MAP2K4: variants seen among roughly 807,000 people sequenced by gnomAD.
The protein encoded by MAP2K4 is mitogen-activated protein kinase kinase 4, also known as dual specificity mitogen-activated protein kinase kinase 4.
In MAP2K4, 4 loss-of-function variants were observed where a neutral mutation model predicts 48.5. That is an observed-to-expected ratio of 0.08 (90% confidence interval 0.04 to 0.19). The LOEUF (loss-of-function observed/expected upper bound fraction) is 0.19. MAP2K4 is among the 10% of genes least tolerant of loss of function. MAP2K4 has a pLI of 1.00. For synonymous variants in MAP2K4, 166 were observed against 173.1 expected (o/e 0.96, Z 0.32); for missense variants, 258 against 493.3 (o/e 0.52, Z 4.52).
At chr17:12,037,022 A>G (rs1162182513) in intron 1 of MAP2K4, among the ~76,000 whole-genome samples, 2 of 152,142 alleles carry the variant, frequency 1.3e-5, no homozygotes, top group African/African-American at 4.8e-5. Context: ...TGGCGTTAAA[A>G]ACTTTGTGCT....
intron 8 of MAP2K4, among the ~76,000 whole-genome samples, chr17:12,128,817 G>C (rs2151590546): frequency 6.6e-6 from 1 of 152,266 alleles, no homozygotes; most frequent in South Asian, 2.1e-4. Flanking sequence ...CAGTCTTCCA[G>C]ACTTTCTTAT....
chr17:12,061,487 C>T (rs1158403462), intron 2 of MAP2K4, among the ~76,000 whole-genome samples: 2 of 152,130 alleles, frequency 1.3e-5, no homozygotes, highest in African/African-American at 4.8e-5. Context: ...TTTGTGGGCC[C>T]CTACCCCCTT....
chr17:12,096,219 AT>A lies in MAP2K4; in HGVS notation c.513+526del, dbSNP rs1328356645. 2.0e-5 allele frequency among the ~76,000 whole-genome samples: 3 copies of A among 152,254 alleles called. No homozygotes were observed. In the East Asian group the frequency reaches 5.8e-4, roughly 29 times the overall value. ...TCAGACATGGAAATTAACAATTACA[AT>A]ATAAATTATTTTTTTCTAATTCTCT... On this transcript the variant is annotated intron_variant, in intron 4 of 10. Transcript: ENST00000353533.
At chr17:12,122,661 A>G (rs1279203453) in intron 7 of MAP2K4, among the ~76,000 whole-genome samples, 2 of 152,176 alleles carry the variant, frequency 1.3e-5, no homozygotes, top group Non-Finnish European at 2.9e-5. Context: ...TGGGTCCTCC[A>G]GTAGAATCCT....
At chr17:12,070,507 G>T (rs1970767516) in intron 2 of MAP2K4, among the ~76,000 whole-genome samples, 1 of 152,096 alleles carries the variant, frequency 6.6e-6, no homozygotes. Flanking sequence ...CAGAACTATA[G>T]GATTTGGGCA....
At chr17:12,063,420 T>G (rs2151532857) in intron 2 of MAP2K4, among the ~76,000 whole-genome samples, 1 of 152,322 alleles carries the variant, frequency 6.6e-6, no homozygotes, top group Non-Finnish European at 1.5e-5. Flanking sequence ...CATAGTGATG[T>G]AACAAACTGG....
chr17:12,129,396 A>T, intron 9 of MAP2K4, 109 bp downstream of exon 9: 1 of 1,279,206 alleles, frequency 7.8e-7, no homozygotes, highest in South Asian at 1.3e-5. Context: ...CCTTGGTCAC[A>T]TCACCCTACT....
chr17:12,063,938 C>G lies in MAP2K4; in HGVS notation c.218+8947C>G, dbSNP rs28921678. Among the ~76,000 whole-genome samples the G allele has an allele frequency of 4.6e-4, 59 of 127,902 alleles. No individual in the cohort carries two copies. In the East Asian group the frequency reaches 0.013, roughly 29 times the overall value. 83.9% of individuals were successfully genotyped at this position (127,902 alleles called of 152,430 possible). ...CGTAAGTAGAGATCATAACACTGCACTCTAGCTTGGGTGACAAGAGCAAAA... is the reference window on the plus strand; with the variant it reads ...CGTAAGTAGAGATCATAACACTGCAGTCTAGCTTGGGTGACAAGAGCAAAA... On this transcript the variant is annotated intron_variant, in intron 2 of 10. Transcript: ENST00000353533.
At chr17:12,096,654 G>A (rs554147261) in intron 4 of MAP2K4, among the ~76,000 whole-genome samples, 4 of 152,304 alleles carry the variant, frequency 2.6e-5, no homozygotes, top group Non-Finnish European at 5.9e-5. Flanking sequence ...TGGGATTATA[G>A]AGTGTATCCT....
At position 12,142,710 on chromosome 17, in the gene MAP2K4, C is replaced by T. The variant is rs1157958844; in HGVS notation, c.*1450C>T. The T allele has an allele frequency of 1.3e-5, 3 of 232,956 alleles. No homozygotes were observed. The highest frequency in any genetic ancestry group is 6.6e-5 in the African/African-American group (3 of 45,328). 14.4% of individuals were successfully genotyped at this position (232,956 alleles called of 1,614,324 possible). A position where few individuals can be genotyped will look rare whatever the true frequency, so the allele number is the denominator to read the frequency against. On this transcript the variant is annotated 3_prime_UTR_variant, in exon 11 of 11. Coordinates refer to ENST00000353533, the MANE Select transcript of MAP2K4 (RefSeq NM_003010.4). ...AAAAAATACAAAAAGCAAAACAAAA[C>T]CCTCAGCACTGTTACAAGAGGCCAT... is the stretch of plus-strand genomic sequence containing the variant.
intron 2 of MAP2K4, among the ~76,000 whole-genome samples, chr17:12,056,966 T>G (rs1375147146): frequency 6.6e-6 from 1 of 152,148 alleles, no homozygotes; most frequent in Non-Finnish European, 1.5e-5. Context: ...ATATAAAACT[T>G]GTTCATGAAT....
At chr17:12,021,109 G>A (rs1969021535) in intron 1 of MAP2K4, 108 bp downstream of exon 1, 1 of 595,346 alleles carries the variant, frequency 1.7e-6, no homozygotes, top group Non-Finnish European at 2.4e-6. Context: ...AGCCACGGCA[G>A]CCGCCGGCTT....
intron 2 of MAP2K4, among the ~76,000 whole-genome samples, chr17:12,078,780 A>G (rs545774428): frequency 6.6e-6 from 1 of 152,132 alleles, no homozygotes; most frequent in Non-Finnish European, 1.5e-5. Context: ...GATTGACTCC[A>G]GAGTTTAATG....
intron 7 of MAP2K4, among the ~76,000 whole-genome samples, chr17:12,117,642 G>C (rs1157975527): frequency 1.3e-5 from 2 of 152,042 alleles, no homozygotes; most frequent in Non-Finnish European, 2.9e-5. Context: ...GTAGCTTAAA[G>C]TTAATGTTGA....
chr17:12,055,977 C>T (rs1016526505), intron 2 of MAP2K4, among the ~76,000 whole-genome samples: 2 of 152,030 alleles, frequency 1.3e-5, no homozygotes, highest in Non-Finnish European at 2.9e-5. Context: ...AGCCTAGAGT[C>T]CCACTCTTTT....
At chr17:12,129,401 C>A in intron 9 of MAP2K4, 114 bp downstream of exon 9, 1 of 1,238,290 alleles carries the variant, frequency 8.1e-7, no homozygotes, top group Non-Finnish European at 1.2e-6. Context: ...GTCACATCAC[C>A]CTACTTTTCA....
rs1394166255 is a variant in MAP2K4, at chr17:12,107,741, A to G, written c.514-49A>G. ...TGTATTTCCATTTTAAGTAAAGGCA[A>G]GGTGATATTTAAGATGTATAAGAAT... On this transcript the variant is annotated intron_variant, in intron 4 of 10. Coordinates refer to ENST00000353533, the MANE Select transcript of MAP2K4 (RefSeq NM_003010.4). The G allele has an allele frequency of 2.0e-6, 3 of 1,471,846 alleles. No individual in the cohort carries two copies. In the East Asian group the frequency reaches 7.3e-5, roughly 36 times the overall value. 91.2% of individuals were successfully genotyped at this position (1,471,846 alleles called of 1,614,324 possible). A position where few individuals can be genotyped will look rare whatever the true frequency, so the allele number is the denominator to read the frequency against.
Position 12,069,711 on chromosome 17 carries a change from C to T in MAP2K4, c.219-11645C>T, listed in dbSNP as rs980434116. 24 of 1,036,588 alleles carry T rather than the reference C, an allele frequency of 2.3e-5. No individual in the cohort carries two copies. In the Admixed American group the frequency reaches 8.2e-4, roughly 35 times the overall value. The allele number at this position is 1,036,588 out of a possible 1,614,324, so 64.2% of individuals were successfully genotyped here. On this transcript the variant is annotated intron_variant, in intron 2 of 10. Transcript: ENST00000353533. ...GTAGTGCCAGGAAGCAGGCAGTTTC[C>T]ATGGTAACTGACAGACCGAGTTTAC...
At chr17:12,023,797 CA>C (rs1969169374) in intron 1 of MAP2K4, among the ~76,000 whole-genome samples, 2 of 152,096 alleles carry the variant, frequency 1.3e-5, no homozygotes, top group African/African-American at 4.8e-5. Context: ...GTTTTGTGAC[CA>C]GGGGCAATGA....
Sources: allele counts gnomAD v4.1 joint callset (sites outside exome capture counted in the v4.1 genomes callset), GRCh38; gene constraint gnomAD v4.1.1; transcripts MANE v1.5; gene names NCBI Gene and HGNC (gene_info 2026-07-23, HGNC 2026-07-21).